The following FBN3 variants were observed in gnomAD, a reference collection of about 807,000 sequenced individuals.
FBN3 encodes the protein fibrillin-3.
A neutral mutation model predicts 330.1 loss-of-function variants in FBN3; 234 were observed. The observed-to-expected ratio is 0.71, with a 90% CI of 0.64 to 0.79. The LOEUF (loss-of-function observed/expected upper bound fraction) is 0.79, where lower values mean the gene tolerates loss of function less well. FBN3 is among the 30% of genes least tolerant of loss of function. FBN3 has a pLI of 0.00. For missense variants in FBN3, 3,606 were observed against 3,886.9 expected, an observed-to-expected ratio of 0.93 and a Z score of 1.92; for synonymous variants, 1,458 against 1,517.3, an observed-to-expected ratio of 0.96 and a Z score of 0.91.
chr19:8,121,217 G>A lies in FBN3; in HGVS notation c.3211+41C>T. ...CCTCCCTCTCCTCAATGCCCTCCCT[G>A]CCCAGGGCGCCCACCACACCCCTGC... is the stretch of plus-strand genomic sequence containing the variant. On this transcript the variant is annotated intron_variant, in intron 25 of 63. Transcript: ENST00000600128. The surrounding 1 kb of genome is among the most constrained non-coding windows in gnomAD (Gnocchi z 4.5). 2 of 1,541,920 alleles carry A rather than the reference G, an allele frequency of 1.3e-6. No homozygotes were observed. The highest frequency in any genetic ancestry group is 1.2e-5 in the South Asian group (1 of 80,502).
chr19:8,130,201 A>G (rs1019029574), intron 16 of FBN3, among the ~76,000 whole-genome samples: 1 of 151,670 alleles, frequency 6.6e-6, no homozygotes, highest in African/African-American at 2.4e-5. Context: ...TCTGGCCATA[A>G]AGTAAATGTT....
chr19:8,090,459 T>TTAG (rs1354251412), intron 48 of FBN3, among the ~76,000 whole-genome samples: 4 of 149,410 alleles, frequency 2.7e-5, no homozygotes, highest in Non-Finnish European at 4.4e-5. Context: ...CCCTGGGTTT[T>TTAG]TAGTTGTTGT....
chr19:8,107,175 G>A (rs1439217251), intron 37 of FBN3, among the ~76,000 whole-genome samples: 1 of 150,530 alleles, frequency 6.6e-6, no homozygotes, highest in Non-Finnish European at 1.5e-5. Flanking sequence ...ATAAAGGATA[G>A]TTGGATGGAA....
At chr19:8,115,721 T>G (rs2144856549) in intron 29 of FBN3, 81 bp from the exon 30 acceptor site, 1 of 1,486,328 alleles carries the variant, frequency 6.7e-7, no homozygotes, top group Non-Finnish European at 9.3e-7. Context: ...GGGAGGGAGA[T>G]CACCAGCATT....
chr19:8,116,092 C>G (rs1012870477), intron 29 of FBN3, among the ~76,000 whole-genome samples: 1 of 152,152 alleles, frequency 6.6e-6, no homozygotes, highest in African/African-American at 2.4e-5. Flanking sequence ...CTCCTATAAA[C>G]TGCAACTCTC....
intron 40 of FBN3, among the ~76,000 whole-genome samples, chr19:8,101,392 C>CA (rs2144760189): frequency 6.6e-6 from 1 of 152,322 alleles, no homozygotes; most frequent in Non-Finnish European, 1.5e-5. Flanking sequence ...CCCATTCCTG[C>CA]AGCTCCTCCT....
chr19:8,080,823 T>C (rs1158979075), intron 59 of FBN3, among the ~76,000 whole-genome samples, 180 bp downstream of exon 59: 2 of 152,192 alleles, frequency 1.3e-5, no homozygotes, highest in African/African-American at 4.8e-5. Flanking sequence ...GTTTTCACCA[T>C]GTTGGCCAGG....
Position 8,109,634 on chromosome 19 carries a change from C to A in FBN3, c.4453G>T (p.Val1485Leu). 3 of 1,593,986 alleles carry A rather than the reference C, an allele frequency of 1.9e-6. No homozygotes were observed. Among genetic ancestry groups the A allele is most frequent in the Non-Finnish European group, 1.7e-6 (2 of 1,169,720 alleles). The stretch of plus-strand genomic sequence containing the variant: ...CTGGAGTTGAGCATGGACTCACCCA[C>A]GCAGCCCACTCCGCTGGGGTTCAGC... The part of the protein sequence containing the change: ...FELNPSGVGC[V>L]DTRAGNCFLE... Residue 1485 changes from valine to leucine, a missense_variant, in exon 35 of 64, where the codon GTG (valine) becomes TTG (leucine). Val to Leu is a conservative substitution (Grantham distance 32). Transcript: ENST00000600128. The surrounding 1 kb of genome is among the most constrained non-coding windows in gnomAD (Gnocchi z 5.2).
intron 18 of FBN3, 90 bp downstream of exon 18, chr19:8,128,938 G>A (rs954726672): frequency 1.8e-5 from 26 of 1,458,218 alleles, no homozygotes; most frequent in African/African-American, 2.8e-5. Context: ...ATCTTTGAGC[G>A]TGTGCATGCC....
intron 62 of FBN3, 123 bp downstream of exon 62, chr19:8,072,940 G>A (rs2081550415): frequency 1.2e-6 from 1 of 809,014 alleles, no homozygotes; most frequent in South Asian, 1.6e-5. Flanking sequence ...AGCTCTTCTG[G>A]TAAATTCTTG....
Position 8,124,027 on chromosome 19 carries a change from C to T in FBN3, c.2732-19G>A. The T allele has an allele frequency of 6.3e-7, 1 of 1,589,402 alleles. No homozygotes were observed. The highest frequency in any genetic ancestry group is 8.6e-7 in the Non-Finnish European group (1 of 1,161,818). ...CTCACATCTGCACGGGGGACAGTCA[C>T]TGCGTCCCCACCCCTGCCACACTGT... is the stretch of plus-strand genomic sequence containing the variant. On this transcript the variant is annotated intron_variant, in intron 22 of 63. Coordinates refer to ENST00000600128, the MANE Select transcript of FBN3 (RefSeq NM_032447.5).
At chr19:8,145,810 G>A (rs2083527205) in intron 5 of FBN3, 33 bp downstream of exon 5, 2 of 1,490,868 alleles carry the variant, frequency 1.3e-6, no homozygotes, top group Non-Finnish European at 1.8e-6. Context: ...AGTCCCAGGT[G>A]TGCAAAGAGG....
rs778491435 is a variant in FBN3, at chr19:8,102,729, A to T, written c.5084T>A (p.Ile1695Asn). The T allele has an allele frequency of 1.2e-6, 2 of 1,612,318 alleles. No individual in the cohort carries two copies. Among genetic ancestry groups the T allele is most frequent in the South Asian group, 2.2e-5 (2 of 91,040 alleles). The change falls in exon 40 of 64, where the codon ATC (isoleucine) becomes AAC (asparagine). Residue 1695 changes from isoleucine (I) to asparagine (N), a missense_variant. Coordinates refer to ENST00000600128, the MANE Select transcript of FBN3 (RefSeq NM_032447.5). Reference sequence around the variant, plus strand: ...GGTTGGGGAGGGTTACTCACGACTGATGGGAGTGGGGCAGGCCTCACAGGG... The same window carrying T: ...GGTTGGGGAGGGTTACTCACGACTGTTGGGAGTGGGGCAGGCCTCACAGGG... The part of the protein sequence containing the change: ...NRPCEACPTP[I>N]SPDYQILCGN...
rs1014748820 is a variant in FBN3, at chr19:8,133,930, TA to T, written c.1592-825del. ...AACAATAAAGGACTGAACATACATT[TA>T]AAAAAAAAAATGTGGCTGGGTGCGG... On this transcript the variant is annotated intron_variant, in intron 13 of 63. Coordinates refer to ENST00000600128, the MANE Select transcript of FBN3 (RefSeq NM_032447.5). 4.2e-3 allele frequency among the ~76,000 whole-genome samples: 604 copies of T among 145,236 alleles called. 1 individual carries two copies. The highest frequency in any genetic ancestry group is 5.5e-3 in the Non-Finnish European group (364 of 65,876).
intron 56 of FBN3, among the ~76,000 whole-genome samples, chr19:8,083,756 C>G (rs1008175771): frequency 1.3e-5 from 2 of 152,048 alleles, no homozygotes; most frequent in South Asian, 4.2e-4. Context: ...GAGTCTCCCC[C>G]CAGCCACACC....
Position 8,123,822 on chromosome 19 carries a change from G to A in FBN3, c.2918C>T (p.Ala973Val). Reference protein sequence around the residue: ...ASLCPRGLGFASRDFLSGRPF... With the variant: ...ASLCPRGLGFVSRDFLSGRPF... ...TCGGCCAGACAGGAAGTCCCGGCTG[G>A]CGAAGCCCAGCCCCCGCGGGCACAG... Residue 973 changes from alanine to valine, a missense_variant, in exon 23 of 64, where the codon GCC (alanine) becomes GTC (valine). By Grantham distance (64) the Ala-to-Val change is moderately conservative. Coordinates refer to ENST00000600128, the MANE Select transcript of FBN3 (RefSeq NM_032447.5). 1 of 1,613,118 alleles carries A rather than the reference G, an allele frequency of 6.2e-7. No individual in the cohort carries two copies. The highest frequency in any genetic ancestry group is 8.5e-7 in the Non-Finnish European group (1 of 1,179,906).
Position 8,109,595 on chromosome 19 carries a change from C to G in FBN3, c.4456+36G>C, listed in dbSNP as rs779263699. The G allele has an allele frequency of 1.5e-5, 24 of 1,572,744 alleles. No homozygotes were observed. The highest frequency in any genetic ancestry group is 2.1e-5 in the Non-Finnish European group (24 of 1,158,004). Reference sequence around the variant, plus strand: ...GGCAATCCCACCCACCTCTGCTGACCCCAGAACCCTGATCTGGAGTTGAGC... The same window carrying G: ...GGCAATCCCACCCACCTCTGCTGACGCCAGAACCCTGATCTGGAGTTGAGC... On this transcript the variant is annotated intron_variant, in intron 35 of 63. Transcript: ENST00000600128. This position sits in a 1 kb window ranked among gnomAD's most constrained non-coding sequence, Gnocchi z 5.2.
chr19:8,090,442 G>T (rs371536637), intron 48 of FBN3, among the ~76,000 whole-genome samples, 191 bp from the exon 49 acceptor site: 7 of 151,624 alleles, frequency 4.6e-5, no homozygotes, highest in African/African-American at 1.7e-4. Context: ...GGGCCAATGA[G>T]GATCTGCCCT....
intron 48 of FBN3, among the ~76,000 whole-genome samples, chr19:8,091,162 C>T (rs529393908): frequency 6.6e-6 from 1 of 152,322 alleles, no homozygotes; most frequent in African/African-American, 2.4e-5. Context: ...CCAGAGTAGT[C>T]TAGGCTAGCT....
Sources: allele counts gnomAD v4.1 joint callset (sites outside exome capture counted in the v4.1 genomes callset), GRCh38; gene constraint gnomAD v4.1.1; non-coding constraint Gnocchi (gnomAD v3.1); transcripts MANE v1.5; gene names NCBI Gene and HGNC (gene_info 2026-07-23, HGNC 2026-07-21).